Variants in CPSF7 observed in about 807,000 individuals in gnomAD.
The protein encoded by CPSF7 is cleavage and polyadenylation specificity factor subunit 7.
Under a neutral mutation model 44.3 loss-of-function variants are expected in CPSF7, and 1 was observed. That is an observed-to-expected ratio of 0.02 (90% CI 0.01 to 0.11). CPSF7 has a LOEUF of 0.11. Ranked by LOEUF, CPSF7 falls within the 10% of genes least tolerant of loss-of-function variation. CPSF7 has a pLI of 1.00. For missense variants in CPSF7, 443 were observed against 607.2 expected (o/e 0.73, Z 2.84); for synonymous variants, 202 against 222.0 (o/e 0.91, Z 0.80).
chr11:61,423,506 T>C (rs555841112), intron 2 of CPSF7, among the ~76,000 whole-genome samples: 14 of 152,346 alleles, frequency 9.2e-5, no homozygotes, highest in African/African-American at 3.1e-4. Flanking sequence ...ACAAGCATTT[T>C]ATTTTTATTA....
At chr11:61,411,966 G>T in intron 7 of CPSF7, 29 bp from the exon 8 acceptor site, 1 of 1,601,976 alleles carries the variant, frequency 6.2e-7, no homozygotes, top group South Asian at 1.1e-5. Context: ...GAAAGGCCAA[G>T]GGTGAGGAGA....
At chr11:61,412,068 G>T in intron 7 of CPSF7, 131 bp from the exon 8 acceptor site, 1 of 677,376 alleles carries the variant, frequency 1.5e-6, no homozygotes. Context: ...AAAGAGACAA[G>T]GCAGATGTTG....
intron 7 of CPSF7, among the ~76,000 whole-genome samples, chr11:61,412,824 A>G (rs940778690): frequency 6.6e-6 from 1 of 152,266 alleles, no homozygotes; most frequent in Non-Finnish European, 1.5e-5. Flanking sequence ...TAATTGAAAC[A>G]AGCAAGTTTC....
intron 2 of CPSF7, among the ~76,000 whole-genome samples, 187 bp from the exon 3 acceptor site, chr11:61,421,795 C>G (rs1474506735): frequency 1.3e-5 from 2 of 152,294 alleles, no homozygotes; most frequent in Middle Eastern, 3.4e-3. Context: ...TGCTTATGTA[C>G]ATTTTTTTCC....
At chr11:61,429,346 A>G (rs2135427687) in intron 1 of CPSF7, 56 bp from the exon 2 acceptor site, 1 of 1,076,820 alleles carries the variant, frequency 9.3e-7, no homozygotes, top group South Asian at 1.2e-5. Context: ...TGGGCTGGGA[A>G]GAGGGTAATG....
intron 7 of CPSF7, among the ~76,000 whole-genome samples, chr11:61,414,602 A>G (rs1188173129): frequency 6.6e-6 from 1 of 152,258 alleles, no homozygotes; most frequent in African/African-American, 2.4e-5. Context: ...GATAATATTT[A>G]GGGCTAACTT....
chr11:61,407,556 T>C (rs555115517), intron 9 of CPSF7, among the ~76,000 whole-genome samples: 13 of 152,322 alleles, frequency 8.5e-5, no homozygotes, highest in African/African-American at 3.1e-4. Flanking sequence ...ACTCAACCTG[T>C]TGCAAAATCT....
intron 9 of CPSF7, among the ~76,000 whole-genome samples, chr11:61,406,880 ACTC>A (rs2135240071): frequency 6.6e-6 from 1 of 151,616 alleles, no homozygotes; most frequent in South Asian, 2.1e-4. Flanking sequence ...AGTAGCTGGG[ACTC>A]CTCCTGCCTC....
intron 2 of CPSF7, among the ~76,000 whole-genome samples, chr11:61,424,538 C>T (rs1024282938): frequency 6.6e-6 from 1 of 152,138 alleles, no homozygotes; most frequent in Non-Finnish European, 1.5e-5. Flanking sequence ...CTGCAACCTC[C>T]GCCTCCTGGG....
At chr11:61,409,109 C>T (rs1859606504) in intron 9 of CPSF7, among the ~76,000 whole-genome samples, 1 of 151,952 alleles carries the variant, frequency 6.6e-6, no homozygotes. Context: ...CATGACAGTG[C>T]ACTCCAGCCT....
At chr11:61,420,643 C>CTT in intron 3 of CPSF7, 70 bp from the exon 4 acceptor site, 2 of 1,234,376 alleles carry the variant, frequency 1.6e-6, no homozygotes, top group South Asian at 2.4e-5. Context: ...GTCCCAAACC[C>CTT]AGGATTCTAG....
intron 5 of CPSF7, among the ~76,000 whole-genome samples, chr11:61,419,105 C>T (rs990506541): frequency 6.6e-6 from 1 of 152,188 alleles, no homozygotes; most frequent in Non-Finnish European, 1.5e-5. Context: ...TCACAGCAAC[C>T]TCCGTCTCCC....
At position 61,416,178 on chromosome 11, in the gene CPSF7, G is replaced by C. The variant is rs773171704; in HGVS notation, c.865C>G (p.Pro289Ala). ...GGAGGCCCCACTGTAGCGTTTGGTGGGGGGAAGAAGGCTGGATTGAGGTGA... is the reference window on the plus strand; with the variant it reads ...GGAGGCCCCACTGTAGCGTTTGGTGCGGGGAAGAAGGCTGGATTGAGGTGA... ...ALHLNPAFFP[P>A]PNATVGPPPD... Residue 289 changes from proline (P) to alanine (A), a missense_variant, in exon 6 of 10, where the codon CCA becomes GCA. By Grantham distance (27) the Pro-to-Ala change is conservative. Coordinates refer to ENST00000439958, the MANE Select transcript of CPSF7 (RefSeq NM_001142565.3). The C allele has an allele frequency of 1.9e-5, 29 of 1,518,676 alleles. No individual in the cohort carries two copies. In the Admixed American group the frequency reaches 5.5e-4, roughly 29 times the overall value. The allele number at this position is 1,518,676 out of a possible 1,614,324, so 94.1% of individuals were successfully genotyped here. A position where few individuals can be genotyped will look rare whatever the true frequency, so the allele number is the denominator to read the frequency against.
rs184117684 is a variant in CPSF7 at position 61,425,167 on chromosome 11, T to C, written c.55-3559A>G. Among the ~76,000 whole-genome samples the C allele has an allele frequency of 1.0e-3, 157 of 152,326 alleles. No homozygotes were observed. In the Middle Eastern group the frequency reaches 0.017, roughly 17 times the overall value. On this transcript the variant is annotated intron_variant, in intron 2 of 9. Transcript: ENST00000439958. ...CAGAGCCTCAGTTCAAAGAAGCTGGTGGGAACTGCACAGGGCAGGTCTGTT... is the reference window on the plus strand; with the variant it reads ...CAGAGCCTCAGTTCAAAGAAGCTGGCGGGAACTGCACAGGGCAGGTCTGTT...
chr11:61,411,209 T>TACTC, intron 8 of CPSF7, 104 bp from the exon 9 acceptor site: 1 of 1,165,576 alleles, frequency 8.6e-7, no homozygotes, highest in Non-Finnish European at 1.2e-6. Context: ...ATTCCTCTAT[T>TACTC]ACTCTATCAT....
At position 61,416,499 on chromosome 11, in the gene CPSF7, A is replaced by T; in HGVS notation, c.544T>A (p.Ser182Thr). 6.2e-7 allele frequency: 1 copy of T among 1,614,148 alleles called. No individual in the cohort carries two copies. Among genetic ancestry groups the T allele is most frequent in the East Asian group, 2.2e-5 (1 of 44,886 alleles). The change falls in exon 6 of 10, where the codon TCC (serine) becomes ACC (threonine). Residue 182 changes from serine (S) to threonine (T), a missense_variant. By Grantham distance (58) the Ser-to-Thr change is moderately conservative. Transcript: ENST00000439958. ...TCAGCAGAATCACTAGAATCTCGGG[A>T]ATGGGCCCGTGGAGGTATTCCTATG... ...ARKRIPPRAH[S>T]RDSSDSADGR...
chr11:61,410,860 A>G, intron 9 of CPSF7, 78 bp downstream of exon 9: 1 of 1,422,374 alleles, frequency 7.0e-7, no homozygotes, highest in Non-Finnish European at 9.4e-7. Context: ...CTTTTGCTTT[A>G]AAGAGAGAGA....
In CPSF7 at chr11:61,421,455, T is replaced by A; in HGVS notation, c.208A>T (p.Ile70Phe). 6.2e-7 allele frequency: 1 copy of A among 1,614,136 alleles called. No homozygotes were observed. Residue 70 changes from isoleucine (I) to phenylalanine (F), a missense_variant, in exon 3 of 10, where the codon ATT (isoleucine) becomes TTT (phenylalanine). By Grantham distance (21) the Ile-to-Phe change is conservative (BLOSUM62 0). Coordinates refer to ENST00000439958, the MANE Select transcript of CPSF7 (RefSeq NM_001142565.3). Reference protein sequence around the residue: ...SPKPNNKTPAILYTYSGLRNR... With the variant: ...SPKPNNKTPAFLYTYSGLRNR... ...CGCAGGCCACTGTAGGTATACAGAA[T>A]TGCAGGGGTCTTGTTGTTGGGCTTG...
At chr11:61,428,403 A>G (rs891901710) in intron 2 of CPSF7, among the ~76,000 whole-genome samples, 2 of 151,964 alleles carry the variant, frequency 1.3e-5, no homozygotes, top group Non-Finnish European at 2.9e-5. Flanking sequence ...CCTGGCTGGT[A>G]TTGAACTTCT....
Sources: gnomAD v4.1 joint callset for allele counts (sites outside exome capture counted in the v4.1 genomes callset) on GRCh38, gnomAD v4.1.1 for gene constraint, MANE v1.5 for transcripts, NCBI Gene and HGNC (gene_info 2026-07-23, HGNC 2026-07-21) for gene names.